The following MYO10 variants were observed in gnomAD, a reference collection of about 807,000 sequenced individuals.
MYO10 encodes the protein myosin X.
A neutral mutation model predicts 257.3 loss-of-function variants in MYO10; 133 were observed. That is an observed-to-expected ratio of 0.52 (90% CI 0.45 to 0.60). The LOEUF is 0.60. Among genes scored for constraint, MYO10 ranks in the 20% least tolerant of loss-of-function variants. The pLI is 0.00. For synonymous variants in MYO10, 1,104 were observed against 1,028.6 expected (o/e 1.07, Z -1.40); for missense variants, 2,399 against 2,635.7 (o/e 0.91, Z 1.97).
intron 3 of MYO10, among the ~76,000 whole-genome samples, chr5:16,796,421 G>A (rs868474394): frequency 4.5e-5 from 3 of 67,154 alleles, no homozygotes; most frequent in African/African-American, 2.1e-4. Flanking sequence ...GGAAAGAAAG[G>A]AAAAAGAAAG....
In MYO10 at chr5:16,761,541, T is replaced by C. The variant is rs774339698; in HGVS notation, c.1662A>G (p.Gln554=). Residue 554 remains glutamine (Q), a synonymous_variant, in exon 17 of 41, where the codon CAA becomes CAG. Coordinates refer to ENST00000513610, the MANE Select transcript of MYO10 (RefSeq NM_012334.3). The stretch of plus-strand genomic sequence containing the variant: ...TCTCCAAGATACCTCGGACATCATA[T>C]TGCACCTAGTTTTAATAAATAAGAG... The part of the protein sequence containing the change: ...FGVKHYAGEV[Q]YDVRGILEKN... 6 of 1,610,860 alleles carry C rather than the reference T, an allele frequency of 3.7e-6. No individual in the cohort carries two copies. The African/African-American group carries it at 4.0e-5, about 11-fold the overall frequency.
chr5:16,934,042 G>C (rs973159969), intron 1 of MYO10, among the ~76,000 whole-genome samples: 1 of 152,210 alleles, frequency 6.6e-6, no homozygotes, highest in African/African-American at 2.4e-5. Flanking sequence ...GGAGAAAGTA[G>C]AAGATCACTA....
rs370580600 is a variant in MYO10 at position 16,727,537 on chromosome 5, G to A, written c.1930-16292C>T. On this transcript the variant is annotated intron_variant, in intron 19 of 40. Coordinates refer to ENST00000513610, the MANE Select transcript of MYO10 (RefSeq NM_012334.3). The stretch of plus-strand genomic sequence containing the variant: ...TAAAGGCCCCATGAAGGGTTCTCAC[G>A]AGGCTAATGACTCTGAACAAATAAA... 5.0e-4 allele frequency among the ~76,000 whole-genome samples: 76 copies of A among 152,272 alleles called. 1 individual carries two copies. The highest frequency in any genetic ancestry group is 4.3e-3 in the East Asian group (22 of 5,176).
chr5:16,794,194 AGAGTT>A (rs1741857997), intron 4 of MYO10, among the ~76,000 whole-genome samples: 1 of 152,212 alleles, frequency 6.6e-6, no homozygotes, highest in South Asian at 2.1e-4. Context: ...GATTCTATCT[AGAGTT>A]ATTTTATTGC....
At chr5:16,672,356 A>G (rs1193682520) in intron 37 of MYO10, among the ~76,000 whole-genome samples, 1 of 152,054 alleles carries the variant, frequency 6.6e-6, no homozygotes, top group Non-Finnish European at 1.5e-5. Flanking sequence ...TAAAGAGTTT[A>G]TAAGCTGGCT....
At chr5:16,774,514 T>G (rs756366320) in intron 9 of MYO10, among the ~76,000 whole-genome samples, 1 of 152,114 alleles carries the variant, frequency 6.6e-6, no homozygotes, top group Admixed American at 6.6e-5. Flanking sequence ...CTCTGCCTCC[T>G]GGGTTCACGC....
chr5:16,735,051 G>A (rs1408323765), intron 19 of MYO10, among the ~76,000 whole-genome samples: 1 of 152,142 alleles, frequency 6.6e-6, no homozygotes, highest in Admixed American at 6.5e-5. Context: ...GTAAAAGGCA[G>A]GCCGGATCAG....
At chr5:16,789,227 T>A (rs114407014) in intron 4 of MYO10, among the ~76,000 whole-genome samples, 1 of 152,182 alleles carries the variant, frequency 6.6e-6, no homozygotes, top group South Asian at 2.1e-4. Flanking sequence ...AAGGGCAGAG[T>A]TGATTAGTTG....
At chr5:16,898,689 G>A (rs1275492662) in intron 1 of MYO10, among the ~76,000 whole-genome samples, 1 of 151,776 alleles carries the variant, frequency 6.6e-6, no homozygotes, top group Non-Finnish European at 1.5e-5. Context: ...GATTACAGGT[G>A]TGAGCCACCA....
intron 9 of MYO10, among the ~76,000 whole-genome samples, chr5:16,775,076 A>G (rs549292938): frequency 6.6e-6 from 1 of 152,336 alleles, no homozygotes; most frequent in African/African-American, 2.4e-5. Flanking sequence ...TACTTCATAC[A>G]CATTTCATCA....
intron 28 of MYO10, among the ~76,000 whole-genome samples, chr5:16,688,749 AG>A (rs1184846823): frequency 7.5e-6 from 1 of 134,054 alleles, no homozygotes. Flanking sequence ...TCAAAAAAAA[AG>A]AAAAAAAAAA....
chr5:16,775,269 A>G (rs1213586402), intron 9 of MYO10, among the ~76,000 whole-genome samples: 5 of 152,178 alleles, frequency 3.3e-5, no homozygotes, highest in African/African-American at 1.2e-4. Context: ...GACGCTCCTA[A>G]AACTGTTCAG....
intron 33 of MYO10, among the ~76,000 whole-genome samples, chr5:16,677,923 G>A (rs1736811570): frequency 6.6e-6 from 1 of 152,058 alleles, no homozygotes; most frequent in Admixed American, 6.6e-5. Context: ...ACCATGCCCA[G>A]CTAACTTTTG....
At chr5:16,775,042 TG>T (rs1392915240) in intron 9 of MYO10, among the ~76,000 whole-genome samples, 1 of 152,154 alleles carries the variant, frequency 6.6e-6, no homozygotes, top group Non-Finnish European at 1.5e-5. Flanking sequence ...AATAAACAGA[TG>T]ATCACTCAGC....
At chr5:16,814,670 T>C (rs921629809) in intron 3 of MYO10, 2 of 152,174 alleles carry the variant, frequency 1.3e-5, no homozygotes, top group Non-Finnish European at 2.9e-5. Flanking sequence ...CGCTGACATC[T>C]CCGGTGAATG....
At chr5:16,702,666 A>C in intron 23 of MYO10, 78 bp from the exon 24 acceptor site, 1 of 1,383,156 alleles carries the variant, frequency 7.2e-7, no homozygotes, top group East Asian at 2.5e-5. Flanking sequence ...ACGTTTTTAA[A>C]ACAGCTTTGC....
At chr5:16,695,580 T>C (rs1737709803) in intron 26 of MYO10, among the ~76,000 whole-genome samples, 1 of 151,338 alleles carries the variant, frequency 6.6e-6, no homozygotes. Context: ...TGAACTTAAA[T>C]ATACAGATGT....
At chr5:16,828,414 C>G (rs947559563) in intron 2 of MYO10, among the ~76,000 whole-genome samples, 2 of 151,960 alleles carry the variant, frequency 1.3e-5, no homozygotes, top group Admixed American at 1.3e-4. Flanking sequence ...AGTTCAAGAC[C>G]AGCTTGGCCA....
chr5:16,781,859 A>C, intron 5 of MYO10, 30 bp from the exon 6 acceptor site: 1 of 1,612,918 alleles, frequency 6.2e-7, no homozygotes, highest in Non-Finnish European at 8.5e-7. Context: ...AGCAGACAGC[A>C]TTAATAAGGG....
Sources: gnomAD v4.1 joint callset for allele counts (sites outside exome capture counted in the v4.1 genomes callset) on GRCh38, gnomAD v4.1.1 for gene constraint, MANE v1.5 for transcripts, NCBI Gene and HGNC (gene_info 2026-07-23, HGNC 2026-07-21) for gene names.